Variants in PRELID2 observed in about 807,000 individuals in gnomAD.
The protein encoded by PRELID2 is PRELI domain-containing protein 2.
PRELID2 carries 25 observed loss-of-function variants against 28.4 expected under a neutral mutation model. The ratio of observed to expected loss-of-function variants is 0.88; its 90% CI spans 0.64 to 1.23. PRELID2 has a LOEUF of 1.23. Ranked by LOEUF, PRELID2 falls within the 50% of genes most tolerant of loss-of-function variation. PRELID2 has a pLI of 0.00. For synonymous variants in PRELID2, 76 were observed against 71.6 expected, an observed-to-expected ratio of 1.06 and a Z score of -0.31; for missense variants, 201 against 214.4, an observed-to-expected ratio of 0.94 and a Z score of 0.39.
chr5:145,722,226 C>A (rs188412635), intron 1 of PRELID2, among the ~76,000 whole-genome samples: 4 of 151,910 alleles, frequency 2.6e-5, no homozygotes, highest in African/African-American at 9.7e-5. Flanking sequence ...GAAATATTAC[C>A]GACAACACTC....
intron 5 of PRELID2, among the ~76,000 whole-genome samples, chr5:145,780,614 A>G (rs563955105): frequency 6.6e-6 from 1 of 152,218 alleles, no homozygotes; most frequent in South Asian, 2.1e-4. Flanking sequence ...AGTTTTTTTA[A>G]TTTTGTTTAA....
chr5:145,785,803 G>C (rs939335818), intron 5 of PRELID2, among the ~76,000 whole-genome samples: 2 of 152,156 alleles, frequency 1.3e-5, no homozygotes, highest in African/African-American at 4.8e-5. Flanking sequence ...TCTCTATCTA[G>C]CAAGACCTTC....
intron 1 of PRELID2, among the ~76,000 whole-genome samples, chr5:145,618,991 C>T (rs1001882282): frequency 6.6e-6 from 1 of 152,080 alleles, no homozygotes; most frequent in African/African-American, 2.4e-5. Flanking sequence ...AGGCCTCACC[C>T]AGCTTCCATG....
At chr5:145,311,542 T>G in the PRELID2 span, among the ~76,000 whole-genome samples, 1 of 152,194 alleles carries the variant, frequency 6.6e-6, no homozygotes, top group Non-Finnish European at 1.5e-5. Flanking sequence ...GGGCATGGCC[T>G]TGATTTTTGC....
intron 1 of PRELID2, among the ~76,000 whole-genome samples, chr5:145,730,476 T>C (rs1756307169): frequency 6.6e-6 from 1 of 151,856 alleles, no homozygotes; most frequent in Non-Finnish European, 1.5e-5. Context: ...TGAACAGGAG[T>C]CATTTGTAAT....
the PRELID2 span, among the ~76,000 whole-genome samples, chr5:145,408,464 A>AAT: frequency 5.9e-4 from 87 of 146,454 alleles, 1 homozygote; most frequent in Middle Eastern, 3.6e-3. Context: ...ATATATGTAT[A>AAT]ATATATATAT....
intron 1 of PRELID2, among the ~76,000 whole-genome samples, chr5:145,653,143 A>G (rs1754328820): frequency 6.6e-6 from 1 of 152,232 alleles, no homozygotes; most frequent in Non-Finnish European, 1.5e-5. Flanking sequence ...AAAGATCAAA[A>G]GGACAAAGAA....
chr5:145,263,522 T>A, the PRELID2 span, among the ~76,000 whole-genome samples: 1 of 150,640 alleles, frequency 6.6e-6, no homozygotes, highest in South Asian at 2.1e-4. Flanking sequence ...AACAAAAAAA[T>A]TAAAAGATAA....
chr5:145,353,653 A>G, the PRELID2 span, among the ~76,000 whole-genome samples: 1 of 151,982 alleles, frequency 6.6e-6, no homozygotes, highest in East Asian at 1.9e-4. Context: ...CAAAGAGGAA[A>G]AGCACCTTAT....
chr5:145,363,399 C>T, the PRELID2 span, among the ~76,000 whole-genome samples: 1 of 151,910 alleles, frequency 6.6e-6, no homozygotes, highest in Non-Finnish European at 1.5e-5. Flanking sequence ...TAAGTAAAAT[C>T]AAAATCCTGT....
intron 1 of PRELID2, among the ~76,000 whole-genome samples, chr5:145,522,457 G>A (rs1381835608): frequency 6.6e-6 from 1 of 152,034 alleles, no homozygotes; most frequent in Non-Finnish European, 1.5e-5. Context: ...GACAGAGAGA[G>A]AGAAAATGAG....
the PRELID2 span, among the ~76,000 whole-genome samples, chr5:145,302,618 T>C: frequency 6.6e-6 from 1 of 152,016 alleles, no homozygotes. Flanking sequence ...AGGTGTGTTA[T>C]GCTCATTCAC....
At chr5:145,470,615 A>T (rs1259839236), downstream of PRELID2, among the ~76,000 whole-genome samples, 1 of 152,132 alleles carries the variant, frequency 6.6e-6, no homozygotes, top group Non-Finnish European at 1.5e-5. Flanking sequence ...ACACCACCTC[A>T]TTAAATCTAC....
chr5:145,551,181 T>C (rs1309894995), intron 1 of PRELID2, among the ~76,000 whole-genome samples: 3 of 152,034 alleles, frequency 2.0e-5, no homozygotes, highest in Non-Finnish European at 2.9e-5. Flanking sequence ...GGGGGGCAGA[T>C]CACAAGGTCA....
chr5:145,809,263 A>T (rs1753768614), intron 4 of PRELID2, among the ~76,000 whole-genome samples: 1 of 152,140 alleles, frequency 6.6e-6, no homozygotes, highest in Admixed American at 6.5e-5. Flanking sequence ...GCTGGTCTGG[A>T]ACTCCTGGGC....
intron 5 of PRELID2, among the ~76,000 whole-genome samples, chr5:145,784,847 A>G (rs1170101141): frequency 1.3e-5 from 2 of 152,066 alleles, no homozygotes; most frequent in Non-Finnish European, 1.5e-5. Flanking sequence ...ACAGACATAT[A>G]AAAAGATCTA....
At chr5:145,581,875 T>C (rs1353774087) in intron 1 of PRELID2, among the ~76,000 whole-genome samples, 1 of 152,114 alleles carries the variant, frequency 6.6e-6, no homozygotes, top group Non-Finnish European at 1.5e-5. Context: ...TAAATGCTGT[T>C]TCTCAGCAAG....
At chr5:145,229,912 C>A in the PRELID2 span, 2 of 749,830 alleles carry the variant, frequency 2.7e-6, no homozygotes, top group East Asian at 2.5e-5. Context: ...TGGGAGTCCC[C>A]ACTGTCTCTC....
intron 1 of PRELID2, among the ~76,000 whole-genome samples, chr5:145,749,012 C>CA (rs1007737564): frequency 1.3e-5 from 2 of 151,860 alleles, no homozygotes; most frequent in Non-Finnish European, 2.9e-5. Context: ...AACCCCAAAC[C>CA]AAAAAAACTC....
Sources: allele counts gnomAD v4.1 joint callset (sites outside exome capture counted in the v4.1 genomes callset), GRCh38; gene constraint gnomAD v4.1.1; transcripts MANE v1.5; gene names NCBI Gene and HGNC (gene_info 2026-07-23, HGNC 2026-07-21).